The following NCOA2 variants were observed in gnomAD, a reference collection of about 807,000 sequenced individuals.
NCOA2 encodes nuclear receptor coactivator 2, also known as class E basic helix-loop-helix protein 75.
NCOA2 carries 21 observed loss-of-function variants against 145.1 expected under a neutral mutation model. The ratio of observed to expected loss-of-function variants is 0.14; its 90% CI spans 0.10 to 0.21. NCOA2 has a LOEUF of 0.21. Ranked by LOEUF, NCOA2 falls within the 10% of genes least tolerant of loss-of-function variation. The pLI is 1.00. For missense variants in NCOA2, 1,472 were observed against 1,837.6 expected (o/e 0.80, Z 3.64); for synonymous variants, 619 against 637.5 (o/e 0.97, Z 0.44).
At position 70,327,859 on chromosome 8, in the gene NCOA2, A is replaced by G. The variant is rs376445062; in HGVS notation, c.-76-31059T>C. Among the ~76,000 whole-genome samples, 5 of 152,296 alleles carry G rather than the reference A, an allele frequency of 3.3e-5. No individual in the cohort carries two copies. The East Asian group carries it at 9.6e-4, about 29-fold the overall frequency. On this transcript the variant is annotated intron_variant, in intron 1 of 22. Coordinates refer to ENST00000452400, the MANE Select transcript of NCOA2 (RefSeq NM_006540.4). ...CTACATTACCTACCAAGAGCTTCCA[A>G]CAATCTCCACTCCTTTGGGAAGCAG...
chr8:70,126,725 G>A, intron 19 of NCOA2, 88 bp downstream of exon 19: 1 of 1,101,114 alleles, frequency 9.1e-7, no homozygotes. Flanking sequence ...GCCATGCAAA[G>A]AGCTGTGAGA....
chr8:70,355,047 T>C (rs1008358908), intron 1 of NCOA2, among the ~76,000 whole-genome samples: 1 of 152,202 alleles, frequency 6.6e-6, no homozygotes, highest in Non-Finnish European at 1.5e-5. Context: ...ATTAGCACAC[T>C]CTGTATAATA....
chr8:70,403,258 A>T (rs1814535806), intron 1 of NCOA2, among the ~76,000 whole-genome samples: 1 of 150,378 alleles, frequency 6.6e-6, no homozygotes, highest in Non-Finnish European at 1.5e-5. Context: ...CCGACCCCGC[A>T]CCGGGCTGGG....
chr8:70,271,049 T>TTTG (rs919679245), intron 2 of NCOA2, among the ~76,000 whole-genome samples: 5 of 152,230 alleles, frequency 3.3e-5, no homozygotes, highest in African/African-American at 1.2e-4. Flanking sequence ...TTTTTGTTTG[T>TTTG]TTGTAATATG....
chr8:70,196,991 C>T (rs1459457160), intron 4 of NCOA2, among the ~76,000 whole-genome samples: 1 of 152,190 alleles, frequency 6.6e-6, no homozygotes, highest in Non-Finnish European at 1.5e-5. Context: ...GGCAGTCTCA[C>T]AGATCTATTC....
Position 70,250,492 on chromosome 8 carries a change from C to A in NCOA2, c.-19-33728G>T, listed in dbSNP as rs571926404. Reference sequence around the variant, plus strand: ...GGCTGAGGCAAGAGGATCATTTGAGCCCAGGAGGCAGAGGATGCAGTGAGC... The same window carrying A: ...GGCTGAGGCAAGAGGATCATTTGAGACCAGGAGGCAGAGGATGCAGTGAGC... On this transcript the variant is annotated intron_variant, in intron 2 of 22. Transcript: ENST00000452400. Among the ~76,000 whole-genome samples the A allele has an allele frequency of 2.7e-3, 414 of 151,620 alleles. 2 individuals are homozygous for A. The highest frequency in any genetic ancestry group is 4.6e-3 in the Non-Finnish European group (315 of 67,960).
chr8:70,303,092 C>G (rs1827629496), intron 1 of NCOA2, among the ~76,000 whole-genome samples: 1 of 152,094 alleles, frequency 6.6e-6, no homozygotes, highest in African/African-American at 2.4e-5. Flanking sequence ...CCTAGACAAC[C>G]AATTAATCTC....
At chr8:70,392,368 T>C (rs1035010308) in intron 1 of NCOA2, among the ~76,000 whole-genome samples, 11 of 152,180 alleles carry the variant, frequency 7.2e-5, no homozygotes, top group African/African-American at 2.7e-4. Context: ...AGAAAATGAA[T>C]AAATGACAGA....
chr8:70,193,518 G>A (rs1258308953), intron 4 of NCOA2, among the ~76,000 whole-genome samples: 1 of 152,126 alleles, frequency 6.6e-6, no homozygotes, highest in Non-Finnish European at 1.5e-5. Flanking sequence ...TGACAATTCA[G>A]CTATCTAACA....
intron 1 of NCOA2, among the ~76,000 whole-genome samples, chr8:70,397,091 CCTGGCA>C (rs1189383047): frequency 7.2e-5 from 11 of 152,248 alleles, no homozygotes; most frequent in African/African-American, 2.4e-4. Context: ...GTATCAGGTT[CCTGGCA>C]CTCAATGATA....
At chr8:70,435,379 A>T in the NCOA2 span, among the ~76,000 whole-genome samples, 1 of 131,432 alleles carries the variant, frequency 7.6e-6, no homozygotes, top group South Asian at 2.8e-4. Context: ...GAGCCGGGAT[A>T]GCGCCACTGC....
intron 9 of NCOA2, among the ~76,000 whole-genome samples, chr8:70,160,255 TA>T (rs1812789554): frequency 6.6e-6 from 1 of 152,166 alleles, no homozygotes; most frequent in African/African-American, 2.4e-5. Flanking sequence ...CAGAAGAATC[TA>T]TTCAGAGAAA....
intron 2 of NCOA2, among the ~76,000 whole-genome samples, chr8:70,232,198 T>C (rs1821199518): frequency 6.6e-6 from 1 of 152,170 alleles, no homozygotes; most frequent in African/African-American, 2.4e-5. Flanking sequence ...CCCCTGCCCC[T>C]TTCCGTCATT....
At chr8:70,182,112 T>C (rs1442710856) in intron 4 of NCOA2, among the ~76,000 whole-genome samples, 2 of 152,252 alleles carry the variant, frequency 1.3e-5, no homozygotes, top group Non-Finnish European at 2.9e-5. Flanking sequence ...CTTCCTGTGC[T>C]CTCCAAATGT....
chr8:70,323,172 T>C (rs1399143612), intron 1 of NCOA2, among the ~76,000 whole-genome samples: 1 of 152,208 alleles, frequency 6.6e-6, no homozygotes, highest in Non-Finnish European at 1.5e-5. Flanking sequence ...CTGAGTCCAC[T>C]GAGTACGCAG....
At chr8:70,203,284 G>A (rs111630814) in intron 4 of NCOA2, among the ~76,000 whole-genome samples, 10,411 of 100,914 alleles carry the variant, frequency 0.1, 1,259 homozygotes, top group African/African-American at 0.33. Flanking sequence ...AAAAAAGAAA[G>A]AGGAAATAGT....
chr8:70,144,264 C>A, intron 13 of NCOA2, among the ~76,000 whole-genome samples: 1 of 152,196 alleles, frequency 6.6e-6, no homozygotes, highest in East Asian at 1.9e-4. Context: ...ATTTTAAGCT[C>A]TTATTCTGAA....
intron 22 of NCOA2, among the ~76,000 whole-genome samples, chr8:70,114,028 A>C (rs1175017232): frequency 6.6e-6 from 1 of 152,236 alleles, no homozygotes; most frequent in Non-Finnish European, 1.5e-5. Context: ...CATCCGATCC[A>C]GAAGGGGCCA....
intron 4 of NCOA2, among the ~76,000 whole-genome samples, chr8:70,175,546 CT>C (rs1424941553): frequency 6.6e-6 from 1 of 152,182 alleles, no homozygotes; most frequent in East Asian, 1.9e-4. Context: ...AAATTTTAGG[CT>C]CATGAAGACA....
Sources: gnomAD v4.1 joint callset for allele counts (sites outside exome capture counted in the v4.1 genomes callset) on GRCh38, gnomAD v4.1.1 for gene constraint, MANE v1.5 for transcripts, NCBI Gene and HGNC (gene_info 2026-07-23, HGNC 2026-07-21) for gene names.